The following BSCL2 variants were observed in gnomAD, a reference collection of about 807,000 sequenced individuals.
BSCL2 encodes seipin.
In BSCL2, 41 loss-of-function variants were observed where a neutral mutation model predicts 57.4. The ratio of observed to expected loss-of-function variants is 0.71; its 90% CI spans 0.56 to 0.93. BSCL2 has a LOEUF of 0.93. Ranked by LOEUF, BSCL2 falls within the 40% of genes least tolerant of loss-of-function variation. The pLI is 0.00. For missense variants in BSCL2, 539 were observed against 586.7 expected (o/e 0.92, Z 0.84); for synonymous variants, 237 against 227.3 (o/e 1.04, Z -0.38).
intron 2 of BSCL2, among the ~76,000 whole-genome samples, chr11:62,703,126 G>T (rs1232436310): frequency 2.0e-5 from 3 of 148,722 alleles, no homozygotes; most frequent in Admixed American, 6.8e-5. Flanking sequence ...CTCCAGCCTG[G>T]GCAACAAGGG....
At chr11:62,707,708 C>T (rs1035317625), upstream of BSCL2, 2 of 349,842 alleles carry the variant, frequency 5.7e-6, no homozygotes, top group Non-Finnish European at 1.1e-5. Context: ...AGGTACCAGC[C>T]ATCCAGACAG....
chr11:62,690,855 T>C lies in BSCL2; in HGVS notation c.1085A>G (p.Gln362Arg). Reference protein sequence around the residue: ...ISAHQPGPEGQEESTPQSDVT... With the variant: ...ISAHQPGPEGREESTPQSDVT... ...ATCTGATTGCGGAGTTGACTCCTCC[T>C]GGCCTTCAGGCCCTGCACCTCCAAA... The change falls in exon 9 of 11, where the codon CAG (glutamine) becomes CGG (arginine). Residue 362 changes from glutamine to arginine, a missense_variant. Around this residue, in one of 3 missense-constraint regions of BSCL2, gnomAD observed 248 missense variants for 239.9 expected, o/e 1.03. Coordinates refer to ENST00000360796, the MANE Select transcript of BSCL2 (RefSeq NM_001122955.4). The C allele has an allele frequency of 6.2e-7, 1 of 1,613,654 alleles. No homozygotes were observed. Among genetic ancestry groups the C allele is most frequent in the Non-Finnish European group, 8.5e-7 (1 of 1,180,004 alleles).
At chr11:62,709,274 G>A (rs762681458), upstream of BSCL2, 2 of 454,300 alleles carry the variant, frequency 4.4e-6, no homozygotes, top group African/African-American at 4.0e-5. Context: ...CCAGGGAAAA[G>A]GGCCAATCAA....
chr11:62,707,593 C>T, upstream of BSCL2: 1 of 558,416 alleles, frequency 1.8e-6, no homozygotes, highest in Non-Finnish European at 3.2e-6. Context: ...GAACTAGCGA[C>T]AGTGGGGGTG....
chr11:62,695,427 A>G (rs1259613491), intron 3 of BSCL2, among the ~76,000 whole-genome samples: 1 of 151,176 alleles, frequency 6.6e-6, no homozygotes, highest in East Asian at 1.9e-4. Flanking sequence ...AAAAAAGGTT[A>G]GCCAGGTGCA....
chr11:62,697,623 T>C (rs1425896790), intron 3 of BSCL2: 1 of 137,256 alleles, frequency 7.3e-6, no homozygotes, highest in Non-Finnish European at 1.6e-5. Flanking sequence ...CCGTCTCTAC[T>C]AAAAAAAAAA....
intron 3 of BSCL2, among the ~76,000 whole-genome samples, chr11:62,699,474 G>A (rs1402128207): frequency 2.0e-5 from 3 of 152,172 alleles, no homozygotes; most frequent in Non-Finnish European, 2.9e-5. Flanking sequence ...GGGATTACAG[G>A]CGTGAGCCAC....
At chr11:62,702,759 C>T (rs1945683105) in intron 2 of BSCL2, among the ~76,000 whole-genome samples, 1 of 152,034 alleles carries the variant, frequency 6.6e-6, no homozygotes, top group South Asian at 2.1e-4. Flanking sequence ...CAATGTATGT[C>T]CTCTCATTAC....
upstream of BSCL2, chr11:62,708,595 C>CA: frequency 6.3e-7 from 1 of 1,575,950 alleles, no homozygotes; most frequent in South Asian, 1.2e-5. Context: ...CTGGAGATGG[C>CA]AAAAGAGAAC....
upstream of BSCL2, chr11:62,707,432 G>A: frequency 1.4e-6 from 1 of 698,364 alleles, no homozygotes; most frequent in Non-Finnish European, 2.6e-6. Context: ...AATGAGCAGG[G>A]TCCCCCGCAG....
At chr11:62,699,863 G>C (rs2956998) in intron 3 of BSCL2, among the ~76,000 whole-genome samples, 7 of 151,504 alleles carry the variant, frequency 4.6e-5, no homozygotes, top group African/African-American at 1.7e-4. Context: ...ATTTTTAGTA[G>C]AGACGGGGTT....
In BSCL2 at chr11:62,694,745, T is replaced by A. The variant is rs181164682; in HGVS notation, c.487-34A>T. The A allele has an allele frequency of 0.016, 25,712 of 1,606,650 alleles. 306 individuals carry two copies. Among genetic ancestry groups the A allele is most frequent in the Non-Finnish European group, 0.02 (24,085 of 1,175,734 alleles). ...GGTAGCCCCCATTTCTTTAAAAAAA[T>A]TTTTTTGTTGAAAATGTACTGTCTC... is the stretch of plus-strand genomic sequence containing the variant. On this transcript the variant is annotated intron_variant, in intron 3 of 10. Coordinates refer to ENST00000360796, the MANE Select transcript of BSCL2 (RefSeq NM_001122955.4).
At chr11:62,690,913 G>A (rs764346217) in intron 8 of BSCL2, 46 bp from the exon 9 acceptor site, 3 of 1,601,816 alleles carry the variant, frequency 1.9e-6, no homozygotes, top group Admixed American at 1.7e-5. Flanking sequence ...TAGGGTGGCT[G>A]TGCCTGGACG....
chr11:62,704,072 C>T (rs1305005314), intron 2 of BSCL2, among the ~76,000 whole-genome samples: 16 of 150,080 alleles, frequency 1.1e-4, no homozygotes, highest in African/African-American at 2.7e-4. Flanking sequence ...TTGCAGTGAG[C>T]TGAGATTGCG....
At position 62,692,713 on chromosome 11, in the gene BSCL2, G is replaced by A; in HGVS notation, c.715C>T (p.Gln239Ter). 6.2e-7 allele frequency: 1 copy of A among 1,614,142 alleles called. No homozygotes were observed. Among genetic ancestry groups the A allele is most frequent in the Non-Finnish European group, 8.5e-7 (1 of 1,180,034 alleles). Residue 239 changes from glutamine to a stop codon, truncating the protein, a stop_gained, in exon 5 of 11, where the codon CAG becomes TAG. Coordinates refer to ENST00000360796, the MANE Select transcript of BSCL2 (RefSeq NM_001122955.4). LOFTEE classifies it high-confidence loss of function. ...SSLLLFGFAEQKQLLEVELYA... is the reference protein window; with the variant it reads ...SSLLLFGFAE ...AGTTCCACCTCCAGCAGCTGCTTCT[G>A]CTCTGCAAAGCCAAATAGCAGGAGG...
At position 62,691,432 on chromosome 11, in the gene BSCL2, A is replaced by G; in HGVS notation, c.864-11T>C. 6.2e-7 allele frequency: 1 copy of G among 1,614,082 alleles called. No homozygotes were observed. The highest frequency in any genetic ancestry group is 1.7e-5 in the Admixed American group (1 of 60,010). ...TTGTATAGCAGGTATCTGAGGCAGGAAGTAGGGACAAGAAGGTAGTAGCAG... is the reference window on the plus strand; with the variant it reads ...TTGTATAGCAGGTATCTGAGGCAGGGAGTAGGGACAAGAAGGTAGTAGCAG... On this transcript the variant is annotated splice_polypyrimidine_tract_variant and intron_variant, in intron 6 of 10. Transcript: ENST00000360796.
intron 4 of BSCL2, among the ~76,000 whole-genome samples, chr11:62,694,058 C>T (rs1945380122): frequency 1.3e-5 from 2 of 151,894 alleles, no homozygotes; most frequent in South Asian, 4.1e-4. Context: ...AGGTGATCTA[C>T]CCGCCTCGGC....
intron 3 of BSCL2, chr11:62,697,442 C>T (rs1945504944): frequency 6.7e-6 from 1 of 149,020 alleles, no homozygotes; most frequent in East Asian, 2.0e-4. Context: ...GCTTGATGGG[C>T]AGATTCTCCC....
At chr11:62,697,906 A>G (rs1198588516) in intron 3 of BSCL2, among the ~76,000 whole-genome samples, 1 of 148,136 alleles carries the variant, frequency 6.8e-6, no homozygotes, top group Admixed American at 6.7e-5. Context: ...CAGAATCCAC[A>G]TCCTTTTTTT....
Sources: gnomAD v4.1 joint callset for allele counts (sites outside exome capture counted in the v4.1 genomes callset) on GRCh38, gnomAD v4.1.1 for gene constraint, gnomAD v4.1.1 regional missense constraint, MANE v1.5 for transcripts, NCBI Gene and HGNC (gene_info 2026-07-23, HGNC 2026-07-21) for gene names.